The following CYFIP2 variants were observed in gnomAD, a reference collection of about 807,000 sequenced individuals.
The protein encoded by CYFIP2 is cytoplasmic FMR1 interacting protein 2, also known as cytoplasmic FMR1-interacting protein 2.
In CYFIP2, 29 loss-of-function variants were observed where a neutral mutation model predicts 158.7. The ratio of observed to expected loss-of-function variants is 0.18; its 90% CI spans 0.14 to 0.25. CYFIP2 has a LOEUF of 0.25. Among genes scored for constraint, CYFIP2 ranks in the 10% least tolerant of loss-of-function variants. The probability of loss-of-function intolerance (pLI) is 1.00; values close to 1 mark genes in which losing one functional copy is unlikely to be tolerated. For synonymous variants in CYFIP2, 585 were observed against 617.6 expected, an observed-to-expected ratio of 0.95 and a Z score of 0.78; for missense variants, 852 against 1,639.5, an observed-to-expected ratio of 0.52 and a Z score of 8.29.
At chr5:157,328,076 G>A in intron 19 of CYFIP2, 27 bp downstream of exon 19, 1 of 1,606,266 alleles carries the variant, frequency 6.2e-7, no homozygotes, top group Non-Finnish European at 8.5e-7. Flanking sequence ...GCTGTGAGTA[G>A]CAATCTCTTA....
At chr5:157,286,771 TCTG>T (rs1757427771) in intron 2 of CYFIP2, among the ~76,000 whole-genome samples, 1 of 152,150 alleles carries the variant, frequency 6.6e-6, no homozygotes, top group African/African-American at 2.4e-5. Flanking sequence ...AGCATCTGCT[TCTG>T]AAGCTCAGAT....
intron 26 of CYFIP2, among the ~76,000 whole-genome samples, chr5:157,377,255 C>G (rs1021273462): frequency 2.0e-5 from 3 of 152,020 alleles, no homozygotes; most frequent in African/African-American, 7.2e-5. Context: ...AGATTCTTCC[C>G]AAACCACTCC....
intron 26 of CYFIP2, chr5:157,365,077 A>C (rs2113394578): frequency 6.6e-6 from 1 of 152,320 alleles, no homozygotes; most frequent in South Asian, 2.1e-4. Context: ...GATCTAGAAA[A>C]AAAAAAGCAT....
intron 26 of CYFIP2, among the ~76,000 whole-genome samples, chr5:157,368,293 A>G (rs1764619673): frequency 6.6e-6 from 1 of 152,216 alleles, no homozygotes; most frequent in South Asian, 2.1e-4. Flanking sequence ...CTTAAAAGGA[A>G]AGACTCATAC....
intron 19 of CYFIP2, among the ~76,000 whole-genome samples, chr5:157,328,491 G>A (rs1336306497): frequency 6.6e-6 from 1 of 152,242 alleles, no homozygotes; most frequent in African/African-American, 2.4e-5. Flanking sequence ...GCTTGTGCAA[G>A]GACCCTGCGG....
At chr5:157,335,093 C>CT (rs1761754582) in intron 21 of CYFIP2, among the ~76,000 whole-genome samples, 1 of 152,174 alleles carries the variant, frequency 6.6e-6, no homozygotes, top group Non-Finnish European at 1.5e-5. Context: ...AACTGGGACT[C>CT]TAACATCATA....
At chr5:157,288,609 C>G (rs1343173443) in intron 3 of CYFIP2, 1 of 455,980 alleles carries the variant, frequency 2.2e-6, no homozygotes, top group Admixed American at 2.4e-5. Flanking sequence ...TTTTTCTATA[C>G]AGATATTTTA....
rs117668775 is a variant in CYFIP2 at position 157,347,025 on chromosome 5, A to C, written c.2673+5868A>C. On this transcript the variant is annotated intron_variant, in intron 23 of 30. Coordinates refer to ENST00000620254, the MANE Select transcript of CYFIP2 (RefSeq NM_001037333.3). ...AGGGTGTGTCTGGAATAGAGGGTGGAAAGTAGCTCAGATAGATGTAGACCT... is the reference window on the plus strand; with the variant it reads ...AGGGTGTGTCTGGAATAGAGGGTGGCAAGTAGCTCAGATAGATGTAGACCT... 6.6e-5 allele frequency among the ~76,000 whole-genome samples: 10 copies of C among 152,338 alleles called. No homozygotes were observed. In the East Asian group the frequency reaches 1.9e-3, roughly 29 times the overall value.
Position 157,390,553 on chromosome 5 carries a change from G to C in CYFIP2, c.3479G>C (p.Gly1160Ala). 1 of 1,552,500 alleles carries C rather than the reference G, an allele frequency of 6.4e-7. No homozygotes were observed. Among genetic ancestry groups the C allele is most frequent in the South Asian group, 1.2e-5 (1 of 84,110 alleles). ...QCFGDGLNWA[G>A]CSIIVLLGQQ... is the part of the protein sequence containing the mutation. ...TTCGGCGATGGCTTGAACTGGGCTG[G>C]TTGCTCCATCATTGTCCTGCTGGGC... Residue 1160 changes from glycine to alanine, a missense_variant, in exon 30 of 31, where the codon GGT becomes GCT. Around this residue, in one of 8 missense-constraint regions of CYFIP2, gnomAD observed 223 missense variants for 381.6 expected, o/e 0.58. Coordinates refer to ENST00000620254, the MANE Select transcript of CYFIP2 (RefSeq NM_001037333.3).
At chr5:157,341,262 G>C in intron 23 of CYFIP2, 105 bp downstream of exon 23, 1 of 1,095,988 alleles carries the variant, frequency 9.1e-7, no homozygotes, top group Non-Finnish European at 1.4e-6. Context: ...GATAAAGGCA[G>C]CAATGAGGTC....
intron 11 of CYFIP2, among the ~76,000 whole-genome samples, chr5:157,313,363 AT>A (rs1003307641): frequency 6.6e-6 from 1 of 152,128 alleles, no homozygotes; most frequent in Non-Finnish European, 1.5e-5. Flanking sequence ...TAGAACACGT[AT>A]TTTTTTTCCA....
In CYFIP2 at chr5:157,394,022, T is replaced by TA. The variant is rs1300664884; in HGVS notation, c.*1023dup. 1 of 152,160 alleles carries TA rather than the reference T, an allele frequency of 6.6e-6. No homozygotes were observed. The highest frequency in any genetic ancestry group is 1.5e-5 in the Non-Finnish European group (1 of 68,036). 9.4% of individuals were successfully genotyped at this position (152,160 alleles called of 1,614,324 possible). ...TGTCAATGAGCTTTTAATACCAAGA[T>TA]ACACCCCCTGCCCCCAAAGAAGAGT... On this transcript the variant is annotated 3_prime_UTR_variant, in exon 31 of 31. Transcript: ENST00000620254.
intron 26 of CYFIP2, among the ~76,000 whole-genome samples, chr5:157,381,668 A>G (rs1476471794): frequency 6.6e-6 from 1 of 152,156 alleles, no homozygotes; most frequent in Non-Finnish European, 1.5e-5. Context: ...ACTGATCTGC[A>G]GTTAAACAGG....
At chr5:157,334,060 G>A (rs1012439743) in intron 21 of CYFIP2, among the ~76,000 whole-genome samples, 1 of 152,186 alleles carries the variant, frequency 6.6e-6, no homozygotes, top group Non-Finnish European at 1.5e-5. Context: ...AGATTTCAGT[G>A]CCTTCAAAAG....
At chr5:157,299,993 A>C (rs1473574547) in intron 5 of CYFIP2, among the ~76,000 whole-genome samples, 1 of 152,050 alleles carries the variant, frequency 6.6e-6, no homozygotes, top group Non-Finnish European at 1.5e-5. Context: ...TTCCTGCTCT[A>C]CCCCGGGACC....
chr5:157,330,871 C>T lies in CYFIP2; in HGVS notation c.2265+21C>T, dbSNP rs765336002. 7 of 1,583,516 alleles carry T rather than the reference C, an allele frequency of 4.4e-6. No individual in the cohort carries two copies. In the Admixed American group the frequency reaches 1.2e-4, roughly 26 times the overall value. ...TCCAGGTATGGGGAGCAGAAGCCAC[C>T]TTGGAGATGGAAGGGGCAGGAGAGA... is the stretch of plus-strand genomic sequence containing the variant. On this transcript the variant is annotated intron_variant, in intron 20 of 30. Coordinates refer to ENST00000620254, the MANE Select transcript of CYFIP2 (RefSeq NM_001037333.3).
chr5:157,369,899 A>T (rs11749708), intron 26 of CYFIP2, among the ~76,000 whole-genome samples: 91,036 of 138,524 alleles, frequency 0.66, 30,446 homozygotes, highest in Middle Eastern at 0.74. Context: ...TTTTTTTTTT[A>T]AAGACAGAGT....
intron 5 of CYFIP2, among the ~76,000 whole-genome samples, chr5:157,299,473 A>G (rs769419232): frequency 1.2e-4 from 18 of 152,018 alleles, no homozygotes; most frequent in Non-Finnish European, 2.2e-4. Context: ...TGAGGATTCC[A>G]TCTCTGATCT....
intron 29 of CYFIP2, among the ~76,000 whole-genome samples, chr5:157,389,907 G>T (rs1175414881): frequency 6.6e-6 from 1 of 152,194 alleles, no homozygotes; most frequent in Non-Finnish European, 1.5e-5. Context: ...CACCTGCCCG[G>T]GTTGGGGCTG....
Sources: allele counts gnomAD v4.1 joint callset (sites outside exome capture counted in the v4.1 genomes callset), GRCh38; gene constraint gnomAD v4.1.1; regional missense constraint gnomAD v4.1.1; transcripts MANE v1.5; gene names NCBI Gene and HGNC (gene_info 2026-07-23, HGNC 2026-07-21).